Variants in PITPNC1 observed in about 807,000 individuals in gnomAD.
PITPNC1 encodes the protein phosphatidylinositol transfer protein cytoplasmic 1, also known as cytoplasmic phosphatidylinositol transfer protein 1.
A neutral mutation model predicts 44.7 loss-of-function variants in PITPNC1; 18 were observed. The ratio of observed to expected loss-of-function variants is 0.40; its 90% confidence interval spans 0.28 to 0.60. PITPNC1 has a LOEUF of 0.60. Ranked by LOEUF, PITPNC1 falls within the 20% of genes least tolerant of loss-of-function variation. PITPNC1 has a pLI of 0.39. For missense variants in PITPNC1, 290 were observed against 418.4 expected (o/e 0.69, Z 2.68); for synonymous variants, 141 against 149.6 (o/e 0.94, Z 0.42).
intron 1 of PITPNC1, among the ~76,000 whole-genome samples, chr17:67,439,911 CAAAA>C (rs986098830): frequency 6.6e-6 from 1 of 151,698 alleles, no homozygotes; most frequent in African/African-American, 2.4e-5. Flanking sequence ...AACAAACAAA[CAAAA>C]AAGCAAACAA....
intron 1 of PITPNC1, among the ~76,000 whole-genome samples, chr17:67,514,526 CTG>C (rs762426592): frequency 6.6e-6 from 1 of 151,120 alleles, no homozygotes; most frequent in Non-Finnish European, 1.5e-5. Flanking sequence ...AACTGATCAA[CTG>C]TGAAAGTCAA....
intron 5 of PITPNC1, among the ~76,000 whole-genome samples, chr17:67,626,818 T>A (rs973701304): frequency 8.6e-4 from 111 of 129,196 alleles, no homozygotes; most frequent in Non-Finnish European, 3.3e-4. Flanking sequence ...CTCAGACTCA[T>A]GAAAAAAAAA....
intron 1 of PITPNC1, among the ~76,000 whole-genome samples, chr17:67,471,012 G>C (rs1013834648): frequency 7.3e-5 from 9 of 122,996 alleles, no homozygotes; most frequent in East Asian, 2.2e-4. Flanking sequence ...CAGCATGCTC[G>C]TTAAGAGTCA....
At chr17:67,626,770 G>A (rs1330497766) in intron 5 of PITPNC1, among the ~76,000 whole-genome samples, 1 of 150,922 alleles carries the variant, frequency 6.6e-6, no homozygotes, top group African/African-American at 2.4e-5. Flanking sequence ...GGCAGCAATT[G>A]TGGGAAATTA....
In PITPNC1 at chr17:67,451,008, G is replaced by A. The variant is rs968434404; in HGVS notation, c.48+72806G>A. On this transcript the variant is annotated intron_variant, in intron 1 of 8. Transcript: ENST00000581322. Reference sequence around the variant, plus strand: ...TTTCTTAGCATGTTTTCAAGGTTCAGCTGTAGCCCATATCAGAATCTAATT... The same window carrying A: ...TTTCTTAGCATGTTTTCAAGGTTCAACTGTAGCCCATATCAGAATCTAATT... Among the ~76,000 whole-genome samples the A allele has an allele frequency of 7.9e-5, 12 of 152,070 alleles. 1 individual carries two copies. Among genetic ancestry groups the A allele is most frequent in the Admixed American group, 7.9e-4 (12 of 15,272 alleles).
At chr17:67,406,588 A>G (rs1468134516) in intron 1 of PITPNC1, among the ~76,000 whole-genome samples, 1 of 121,210 alleles carries the variant, frequency 8.3e-6, no homozygotes, top group African/African-American at 3.7e-5. Context: ...TATATTATAT[A>G]TAGTTTTTTT....
At chr17:67,472,489 T>C (rs1036206090) in intron 1 of PITPNC1, among the ~76,000 whole-genome samples, 2 of 149,510 alleles carry the variant, frequency 1.3e-5, no homozygotes, top group African/African-American at 4.9e-5. Flanking sequence ...CTACTAAAAA[T>C]AGAAAAAATT....
At chr17:67,567,735 G>A (rs2040999754) in intron 4 of PITPNC1, among the ~76,000 whole-genome samples, 1 of 152,138 alleles carries the variant, frequency 6.6e-6, no homozygotes, top group Admixed American at 6.5e-5. Context: ...AGCACTTTGG[G>A]AGGCCGAGGT....
intron 1 of PITPNC1, among the ~76,000 whole-genome samples, chr17:67,469,555 C>T (rs2039483085): frequency 6.6e-6 from 1 of 152,180 alleles, no homozygotes. Flanking sequence ...ATCGCCAGCA[C>T]ACTCAGACCA....
intron 8 of PITPNC1, among the ~76,000 whole-genome samples, chr17:67,677,511 C>T (rs1487639447): frequency 6.6e-6 from 1 of 150,958 alleles, no homozygotes. Context: ...GCCAGGAAGG[C>T]GATGGGGCCT....
intron 5 of PITPNC1, among the ~76,000 whole-genome samples, chr17:67,608,970 T>C (rs1425709544): frequency 6.6e-6 from 1 of 152,122 alleles, no homozygotes; most frequent in Non-Finnish European, 1.5e-5. Context: ...TTGTGGACTT[T>C]CAGAATATCC....
chr17:67,491,040 A>G (rs2039857892), intron 1 of PITPNC1, among the ~76,000 whole-genome samples: 1 of 152,224 alleles, frequency 6.6e-6, no homozygotes, highest in Non-Finnish European at 1.5e-5. Flanking sequence ...GTAGAGAAAC[A>G]AAGAATGCAG....
intron 1 of PITPNC1, among the ~76,000 whole-genome samples, chr17:67,470,362 C>T (rs1164200402): frequency 6.6e-6 from 1 of 152,208 alleles, no homozygotes; most frequent in Non-Finnish European, 1.5e-5. Context: ...CCTAGAACTT[C>T]CCTTGTGACT....
At chr17:67,677,036 G>A (rs1312543625) in intron 8 of PITPNC1, among the ~76,000 whole-genome samples, 1 of 152,046 alleles carries the variant, frequency 6.6e-6, no homozygotes. Context: ...TGTGTTTTGT[G>A]AGGCAGGCAG....
chr17:67,509,711 C>T (rs2040156185), intron 1 of PITPNC1, among the ~76,000 whole-genome samples: 1 of 152,070 alleles, frequency 6.6e-6, no homozygotes, highest in African/African-American at 2.4e-5. Flanking sequence ...CACATCCTTT[C>T]CATGTTAGAA....
intron 5 of PITPNC1, among the ~76,000 whole-genome samples, chr17:67,629,895 C>T (rs973654210): frequency 2.0e-5 from 3 of 152,132 alleles, no homozygotes; most frequent in Non-Finnish European, 2.9e-5. Flanking sequence ...GTGGCCACCT[C>T]GGGTCAGACT....
intron 1 of PITPNC1, among the ~76,000 whole-genome samples, chr17:67,493,841 T>G (rs2039894496): frequency 6.6e-6 from 1 of 152,194 alleles, no homozygotes; most frequent in Admixed American, 6.5e-5. Context: ...ATGAGAAAAA[T>G]TCAGGTCCAC....
intron 5 of PITPNC1, among the ~76,000 whole-genome samples, chr17:67,624,864 C>T (rs2041877347): frequency 6.6e-6 from 1 of 152,110 alleles, no homozygotes; most frequent in South Asian, 2.1e-4. Flanking sequence ...AAAATGTAAG[C>T]TTACTAGGTC....
At chr17:67,541,848 G>T (rs552928202) in intron 2 of PITPNC1, among the ~76,000 whole-genome samples, 6 of 152,332 alleles carry the variant, frequency 3.9e-5, no homozygotes, top group Admixed American at 6.5e-5. Flanking sequence ...AGACCAGTGG[G>T]TAGGAATGCC....
Sources: allele counts gnomAD v4.1 joint callset (sites outside exome capture counted in the v4.1 genomes callset), GRCh38; gene constraint gnomAD v4.1.1; transcripts MANE v1.5; gene names NCBI Gene and HGNC (gene_info 2026-07-23, HGNC 2026-07-21).